Variants in MAN1A1 observed in about 807,000 individuals in gnomAD.
The protein encoded by MAN1A1 is mannosidase alpha class 1A member 1, also known as mannosyl-oligosaccharide 1,2-alpha-mannosidase IA.
Under a neutral mutation model 70.8 loss-of-function variants are expected in MAN1A1, and 29 were observed. The observed-to-expected ratio is 0.41, with a 90% CI of 0.31 to 0.56. The LOEUF (loss-of-function observed/expected upper bound fraction) is 0.56, where lower values mean the gene tolerates loss of function less well. Ranked by LOEUF, MAN1A1 falls within the 20% of genes least tolerant of loss-of-function variation. The pLI, the probability that MAN1A1 is intolerant of heterozygous loss-of-function variation, is 0.29. For missense variants in MAN1A1, 747 were observed against 841.3 expected, an observed-to-expected ratio of 0.89 and a Z score of 1.39; for synonymous variants, 349 against 330.1, an observed-to-expected ratio of 1.06 and a Z score of -0.62.
chr6:119,331,865 C>G, intron 2 of MAN1A1: 1 of 392,474 alleles, frequency 2.5e-6, no homozygotes, highest in Non-Finnish European at 5.0e-6. Flanking sequence ...CCTGCCAAGG[C>G]CCCAGGGGAT....
intron 5 of MAN1A1, among the ~76,000 whole-genome samples, chr6:119,252,915 T>C (rs1438170208): frequency 2.0e-5 from 3 of 152,174 alleles, no homozygotes; most frequent in Admixed American, 6.5e-5. Context: ...CTGATCCTCT[T>C]ACAACTACAT....
At chr6:119,218,527 GTCTT>G (rs1774268955) in intron 6 of MAN1A1, among the ~76,000 whole-genome samples, 1 of 151,354 alleles carries the variant, frequency 6.6e-6, no homozygotes, top group South Asian at 2.1e-4. Flanking sequence ...CTCAAATAAG[GTCTT>G]TTCAATGTCC....
In MAN1A1 at chr6:119,319,359, AAATAATAATAAT is replaced by A. The variant is rs199629407; in HGVS notation, c.604-12379_604-12368del. Among the ~76,000 whole-genome samples the A allele has an allele frequency of 5.7e-3, 836 of 147,818 alleles. 31 individuals are homozygous for A. The East Asian group carries it at 0.089, about 16-fold the overall frequency. On this transcript the variant is annotated intron_variant, in intron 2 of 12. Coordinates refer to ENST00000368468, the MANE Select transcript of MAN1A1 (RefSeq NM_005907.4). The stretch of plus-strand genomic sequence containing the variant: ...TGATTTTTTTTCTTCAAAATGGTAA[AAATAATAATAAT>A]AATAATAATAATAATAATAATCATC...
chr6:119,189,948 C>A, intron 9 of MAN1A1, 65 bp from the exon 10 acceptor site: 5 of 1,241,718 alleles, frequency 4.0e-6, no homozygotes, highest in Admixed American at 4.4e-5. Context: ...AAAAATATGC[C>A]CAACATTAAA....
At chr6:119,336,351 A>T (rs1469369170) in intron 2 of MAN1A1, among the ~76,000 whole-genome samples, 1 of 152,184 alleles carries the variant, frequency 6.6e-6, no homozygotes, top group Admixed American at 6.5e-5. Context: ...TACAGGTGTG[A>T]GCCACTGCGC....
At chr6:119,189,306 G>C (rs2114932098) in intron 10 of MAN1A1, among the ~76,000 whole-genome samples, 1 of 152,224 alleles carries the variant, frequency 6.6e-6, no homozygotes, top group Non-Finnish European at 1.5e-5. Context: ...TGGGATTCAT[G>C]ATCTGTTTCA....
chr6:119,246,482 A>C (rs1195437306), intron 6 of MAN1A1, among the ~76,000 whole-genome samples: 1 of 152,142 alleles, frequency 6.6e-6, no homozygotes, highest in Non-Finnish European at 1.5e-5. Context: ...TACTGAGTTC[A>C]CCTACCTTCC....
At chr6:119,241,866 TG>T (rs1318385228) in intron 6 of MAN1A1, among the ~76,000 whole-genome samples, 1 of 151,736 alleles carries the variant, frequency 6.6e-6, no homozygotes, top group Non-Finnish European at 1.5e-5. Context: ...TGAAACAGAC[TG>T]GGGGAAGGGA....
chr6:119,291,492 A>G (rs1015306752), intron 4 of MAN1A1, among the ~76,000 whole-genome samples: 1 of 151,634 alleles, frequency 6.6e-6, no homozygotes, highest in Non-Finnish European at 1.5e-5. Context: ...AATATTTGAT[A>G]TTCTCTATTT....
intron 2 of MAN1A1, among the ~76,000 whole-genome samples, chr6:119,316,061 T>G (rs1428081680): frequency 6.6e-6 from 1 of 152,166 alleles, no homozygotes; most frequent in Non-Finnish European, 1.5e-5. Flanking sequence ...TGGTGACAGG[T>G]GATCTCCCTC....
chr6:119,236,561 A>C (rs1289580133), intron 6 of MAN1A1, among the ~76,000 whole-genome samples: 2 of 152,028 alleles, frequency 1.3e-5, no homozygotes, highest in African/African-American at 4.8e-5. Context: ...CACAGAAATT[A>C]GCTAGGCGGG....
intron 2 of MAN1A1, among the ~76,000 whole-genome samples, chr6:119,345,107 GA>G (rs912087774): frequency 1.6e-5 from 2 of 125,578 alleles, no homozygotes; most frequent in East Asian, 2.4e-4. Flanking sequence ...TCAGAAAAAC[GA>G]AAAAAAAAGT....
rs535475836 is a variant in MAN1A1, at chr6:119,194,935, C to T, written c.1211-1043G>A. Among the ~76,000 whole-genome samples the T allele has an allele frequency of 2.0e-3, 302 of 151,698 alleles. 1 individual carries two copies. The highest frequency in any genetic ancestry group is 6.8e-3 in the African/African-American group (280 of 41,368). On this transcript the variant is annotated intron_variant, in intron 8 of 12. Coordinates refer to ENST00000368468, the MANE Select transcript of MAN1A1 (RefSeq NM_005907.4). ...GCAACCTCCGCCTCCCAGGTTCAAG[C>T]TATTCTCCTGCCTCAGCCTCCCGAG...
At chr6:119,207,092 T>C (rs1273547689) in intron 6 of MAN1A1, among the ~76,000 whole-genome samples, 4 of 152,248 alleles carry the variant, frequency 2.6e-5, no homozygotes, top group African/African-American at 9.6e-5. Context: ...ATTAATGTGG[T>C]GAATCGAGAA....
chr6:119,336,640 G>T (rs1352309188), intron 2 of MAN1A1, among the ~76,000 whole-genome samples: 1 of 152,126 alleles, frequency 6.6e-6, no homozygotes, highest in Non-Finnish European at 1.5e-5. Context: ...AGAAAACCAA[G>T]CTTCTTTCTC....
chr6:119,304,634 C>T (rs1772480801), intron 3 of MAN1A1, among the ~76,000 whole-genome samples: 1 of 152,068 alleles, frequency 6.6e-6, no homozygotes, highest in African/African-American at 2.4e-5. Flanking sequence ...ACCAGTCTTA[C>T]TCTGTCTAGG....
intron 2 of MAN1A1, among the ~76,000 whole-genome samples, chr6:119,314,472 C>A (rs1164383087): frequency 1.3e-5 from 2 of 152,158 alleles, no homozygotes; most frequent in African/African-American, 2.4e-5. Context: ...CACATCCAAT[C>A]CTTACAACAC....
At chr6:119,321,183 T>C (rs1021874649) in intron 2 of MAN1A1, among the ~76,000 whole-genome samples, 1 of 152,240 alleles carries the variant, frequency 6.6e-6, no homozygotes, top group Non-Finnish European at 1.5e-5. Flanking sequence ...TAGGTCAGTA[T>C]ACTTGTGATC....
chr6:119,274,861 G>C (rs2114384599), intron 5 of MAN1A1, among the ~76,000 whole-genome samples: 1 of 152,212 alleles, frequency 6.6e-6, no homozygotes, highest in South Asian at 2.1e-4. Context: ...GTCAGAGATT[G>C]AAGAATAAAA....
Sources: gnomAD v4.1 joint callset for allele counts (sites outside exome capture counted in the v4.1 genomes callset) on GRCh38, gnomAD v4.1.1 for gene constraint, MANE v1.5 for transcripts, NCBI Gene and HGNC (gene_info 2026-07-23, HGNC 2026-07-21) for gene names.